Variants in FMN2 observed in about 807,000 individuals in gnomAD.
The protein encoded by FMN2 is formin 2.
Under a neutral mutation model 142.3 loss-of-function variants are expected in FMN2, and 51 were observed. The ratio of observed to expected loss-of-function variants is 0.36; its 90% confidence interval spans 0.29 to 0.45. The LOEUF (loss-of-function observed/expected upper bound fraction) is 0.45. Ranked by LOEUF, FMN2 falls within the 20% of genes least tolerant of loss-of-function variation. The pLI is 1.00. For missense variants in FMN2, 1,936 were observed against 2,122.8 expected (o/e 0.91, Z 1.73); for synonymous variants, 882 against 869.8 (o/e 1.01, Z -0.25).
At chr1:240,210,551 C>T (rs1666651423) in intron 5 of FMN2, among the ~76,000 whole-genome samples, 1 of 152,090 alleles carries the variant, frequency 6.6e-6, no homozygotes, top group Non-Finnish European at 1.5e-5. Context: ...CTAGATATGA[C>T]AGGGGAAGTT....
intron 2 of FMN2, among the ~76,000 whole-genome samples, chr1:240,173,931 A>G (rs969153493): frequency 5.9e-5 from 9 of 152,200 alleles, no homozygotes; most frequent in African/African-American, 1.4e-4. Flanking sequence ...TGTTGGTGCT[A>G]CCTCTTTTAT....
chr1:240,295,226 TCACA>T (rs1332560793), intron 8 of FMN2, among the ~76,000 whole-genome samples: 1 of 124,198 alleles, frequency 8.1e-6, no homozygotes, highest in South Asian at 2.8e-4. Flanking sequence ...ACACACACAC[TCACA>T]CACACTTAAA....
chr1:240,287,235 G>C (rs1669621763), intron 7 of FMN2, among the ~76,000 whole-genome samples: 1 of 152,162 alleles, frequency 6.6e-6, no homozygotes, highest in Non-Finnish European at 1.5e-5. Context: ...CTGGTAGCTA[G>C]AGTAAGATGA....
At chr1:240,141,471 G>T (rs1221236686) in intron 2 of FMN2, among the ~76,000 whole-genome samples, 1 of 152,016 alleles carries the variant, frequency 6.6e-6, no homozygotes, top group African/African-American at 2.4e-5. Flanking sequence ...CGGTTCTAGT[G>T]ATTCTCCTAC....
At position 240,121,684 on chromosome 1, in the gene FMN2, T is replaced by G. The variant is rs190663416; in HGVS notation, c.1616-1495T>G. 6.2e-3 allele frequency among the ~76,000 whole-genome samples: 815 copies of G among 132,018 alleles called. 1 individual carries two copies. Among genetic ancestry groups the G allele is most frequent in the Admixed American group, 0.011 (125 of 11,380 alleles). The allele number at this position is 132,018 out of a possible 152,430, so 86.6% of individuals were successfully genotyped here. The stretch of plus-strand genomic sequence containing the variant: ...GATTACAGGGGTGAGCCACCGCGCC[T>G]GGCCCAGTGTCTTCTTATTATGCCT... On this transcript the variant is annotated intron_variant, in intron 1 of 17. Transcript: ENST00000319653.
intron 2 of FMN2, among the ~76,000 whole-genome samples, chr1:240,166,302 T>C (rs1366848673): frequency 6.6e-6 from 1 of 152,080 alleles, no homozygotes; most frequent in Non-Finnish European, 1.5e-5. Flanking sequence ...CGATCTTGGC[T>C]CACTGCAAAC....
At chr1:240,274,188 A>G (rs1177453280) in intron 7 of FMN2, among the ~76,000 whole-genome samples, 1 of 151,890 alleles carries the variant, frequency 6.6e-6, no homozygotes, top group African/African-American at 2.4e-5. Context: ...CCCATAGAAG[A>G]AAAACAATTT....
chr1:240,153,181 G>T (rs1268110712), intron 2 of FMN2, among the ~76,000 whole-genome samples: 2 of 152,086 alleles, frequency 1.3e-5, no homozygotes, highest in African/African-American at 4.8e-5. Context: ...TAAGATGGAG[G>T]GTTAGTGATA....
intron 2 of FMN2, among the ~76,000 whole-genome samples, chr1:240,132,272 C>T (rs1006133092): frequency 2.0e-5 from 3 of 152,094 alleles, no homozygotes; most frequent in African/African-American, 7.2e-5. Flanking sequence ...ATATTGCTGG[C>T]ATAGACCATA....
intron 15 of FMN2, among the ~76,000 whole-genome samples, chr1:240,424,090 G>A (rs1232263554): frequency 1.3e-5 from 2 of 152,180 alleles, no homozygotes; most frequent in African/African-American, 4.8e-5. Flanking sequence ...TTGCTTAACT[G>A]TTGATTCTGA....
At chr1:240,329,493 G>T in intron 10 of FMN2, 25 bp downstream of exon 10, 2 of 1,607,156 alleles carry the variant, frequency 1.2e-6, no homozygotes, top group South Asian at 2.2e-5. Flanking sequence ...AAAGAGAGCT[G>T]AACTTGAGTC....
At chr1:240,229,443 C>A (rs1383280199) in intron 6 of FMN2, among the ~76,000 whole-genome samples, 1 of 152,030 alleles carries the variant, frequency 6.6e-6, no homozygotes, top group Non-Finnish European at 1.5e-5. Context: ...TGCTCATATA[C>A]AGAGTGAAGA....
intron 1 of FMN2, among the ~76,000 whole-genome samples, chr1:240,102,057 A>G (rs1186298561): frequency 1.3e-5 from 2 of 152,180 alleles, no homozygotes; most frequent in Non-Finnish European, 1.5e-5. Context: ...TTACTTCAAT[A>G]TACTTTAATA....
intron 6 of FMN2, among the ~76,000 whole-genome samples, chr1:240,220,119 A>G (rs1283532777): frequency 1.3e-5 from 2 of 152,214 alleles, no homozygotes; most frequent in East Asian, 1.9e-4. Flanking sequence ...TCCTCTCCCC[A>G]GTAAAACAAC....
intron 16 of FMN2, among the ~76,000 whole-genome samples, chr1:240,459,994 T>C (rs1391401149): frequency 6.6e-6 from 1 of 152,208 alleles, no homozygotes; most frequent in Admixed American, 6.5e-5. Flanking sequence ...AGATTTATAC[T>C]GACTACAATT....
chr1:240,421,398 C>G (rs1674758704), intron 15 of FMN2, among the ~76,000 whole-genome samples: 1 of 152,068 alleles, frequency 6.6e-6, no homozygotes, highest in Admixed American at 6.6e-5. Flanking sequence ...TTCAAATTAC[C>G]TAATTTTTAT....
At chr1:240,419,320 C>T (rs1674687068) in intron 15 of FMN2, among the ~76,000 whole-genome samples, 1 of 151,932 alleles carries the variant, frequency 6.6e-6, no homozygotes, top group African/African-American at 2.4e-5. Flanking sequence ...TGTACTTTGC[C>T]TTATGTTAAT....
intron 8 of FMN2, among the ~76,000 whole-genome samples, chr1:240,314,523 G>A (rs1385907225): frequency 6.6e-6 from 1 of 152,132 alleles, no homozygotes; most frequent in African/African-American, 2.4e-5. Context: ...GAAGCAAAAG[G>A]ATCACTGTTA....
intron 8 of FMN2, among the ~76,000 whole-genome samples, chr1:240,315,841 AC>A (rs1237439891): frequency 6.6e-6 from 1 of 152,208 alleles, no homozygotes; most frequent in Non-Finnish European, 1.5e-5. Flanking sequence ...TATATAGACC[AC>A]CCATAAACTC....
Sources: gnomAD v4.1 joint callset for allele counts (sites outside exome capture counted in the v4.1 genomes callset) on GRCh38, gnomAD v4.1.1 for gene constraint, MANE v1.5 for transcripts, NCBI Gene and HGNC (gene_info 2026-07-23, HGNC 2026-07-21) for gene names.